The following TMEM182 variants were observed in gnomAD, a reference collection of about 807,000 sequenced individuals.
TMEM182 encodes the protein transmembrane protein 182.
A neutral mutation model predicts 26.8 loss-of-function variants in TMEM182; 20 were observed. The observed-to-expected ratio is 0.75, with a 90% confidence interval of 0.53 to 1.09. TMEM182 has a LOEUF of 1.09. Ranked by LOEUF, TMEM182 falls within the 50% of genes least tolerant of loss-of-function variation. TMEM182 has a pLI of 0.00. For missense variants in TMEM182, 277 were observed against 275.5 expected (o/e 1.01, Z -0.04); for synonymous variants, 109 against 102.2 (o/e 1.07, Z -0.40).
chr2:102,825,955 T>C (rs962465840), intron 3 of TMEM182, among the ~76,000 whole-genome samples: 4 of 152,232 alleles, frequency 2.6e-5, no homozygotes, highest in Non-Finnish European at 5.9e-5. Flanking sequence ...AGAGAGAAGA[T>C]GTTTTGAACA....
chr2:102,799,191 C>T (rs1412181970), intron 4 of TMEM182, among the ~76,000 whole-genome samples: 1 of 152,232 alleles, frequency 6.6e-6, no homozygotes, highest in Non-Finnish European at 1.5e-5. Flanking sequence ...TCCTAGGTGA[C>T]ACTGTAGTGA....
chr2:102,764,563 TA>T, intron 3 of TMEM182, 136 bp downstream of exon 3: 1 of 595,996 alleles, frequency 1.7e-6, no homozygotes, highest in Non-Finnish European at 2.7e-6. Context: ...TCTGTTAGAT[TA>T]AAAAATGTTA....
intron 4 of TMEM182, among the ~76,000 whole-genome samples, chr2:102,806,147 A>T (rs1016489127): frequency 1.3e-5 from 2 of 152,164 alleles, no homozygotes; most frequent in East Asian, 1.9e-4. Flanking sequence ...GTGGCCAAAA[A>T]ATATTGTATT....
intron 3 of TMEM182, among the ~76,000 whole-genome samples, chr2:102,778,588 AG>A (rs1401014245): frequency 1.3e-5 from 2 of 151,902 alleles, no homozygotes; most frequent in Non-Finnish European, 2.9e-5. Context: ...CTGCCTTCCT[AG>A]GAGTTACTTG....
chr2:102,794,332 T>C (rs1681777083), intron 3 of TMEM182, among the ~76,000 whole-genome samples: 1 of 152,210 alleles, frequency 6.6e-6, no homozygotes, highest in South Asian at 2.1e-4. Flanking sequence ...TTAACAAATA[T>C]CATTTAAAGA....
chr2:102,778,131 A>T (rs1289042265), intron 3 of TMEM182, among the ~76,000 whole-genome samples: 1 of 151,752 alleles, frequency 6.6e-6, no homozygotes, highest in Non-Finnish European at 1.5e-5. Context: ...AAAATTGTGG[A>T]TTTGTCTATC....
At chr2:102,773,643 A>G (rs374500314) in intron 3 of TMEM182, among the ~76,000 whole-genome samples, 34 of 150,042 alleles carry the variant, frequency 2.3e-4, no homozygotes, top group African/African-American at 8.2e-4. Context: ...TCATCCTCTG[A>G]ATGAGATGAG....
intron 3 of TMEM182, among the ~76,000 whole-genome samples, chr2:102,771,363 A>G (rs1391335206): frequency 6.6e-6 from 1 of 152,138 alleles, no homozygotes; most frequent in Non-Finnish European, 1.5e-5. Flanking sequence ...ACCCCAGCCC[A>G]GGCTCCATTG....
intron 4 of TMEM182, among the ~76,000 whole-genome samples, chr2:102,811,058 CAAAAAA>C (rs10629082): frequency 3.2e-5 from 3 of 94,464 alleles, no homozygotes; most frequent in African/African-American, 4.1e-5. Flanking sequence ...TCCTCTATAG[CAAAAAA>C]AAAAAAAAAA....
intron 3 of TMEM182, among the ~76,000 whole-genome samples, chr2:102,778,900 A>G (rs976871680): frequency 1.3e-5 from 2 of 152,092 alleles, no homozygotes; most frequent in East Asian, 3.8e-4. Flanking sequence ...GGAAGAATAT[A>G]TATTGTATTT....
intron 3 of TMEM182, among the ~76,000 whole-genome samples, chr2:102,832,505 A>G (rs1683172613): frequency 6.6e-6 from 1 of 152,236 alleles, no homozygotes; most frequent in African/African-American, 2.4e-5. Flanking sequence ...CCAGAGGCAG[A>G]ATCCTATGCA....
chr2:102,764,678 C>T (rs1558758930), intron 3 of TMEM182, among the ~76,000 whole-genome samples: 1 of 151,918 alleles, frequency 6.6e-6, no homozygotes, highest in Non-Finnish European at 1.5e-5. Flanking sequence ...AATGTGTTTT[C>T]CCATATGAAG....
chr2:102,841,871 G>A (rs923567906), intron 3 of TMEM182, among the ~76,000 whole-genome samples: 2 of 152,192 alleles, frequency 1.3e-5, no homozygotes, highest in African/African-American at 2.4e-5. Context: ...ATCTCGCTAT[G>A]TGTATGTTAC....
At chr2:102,826,299 G>C (rs2104771364) in intron 3 of TMEM182, among the ~76,000 whole-genome samples, 1 of 140,106 alleles carries the variant, frequency 7.1e-6, no homozygotes, top group African/African-American at 2.6e-5. Flanking sequence ...GTCTGCAGCT[G>C]GCTTTTTTTT....
intron 3 of TMEM182, among the ~76,000 whole-genome samples, chr2:102,839,447 C>CTATATA (rs10691405): frequency 0.14 from 18,169 of 134,030 alleles, 1,314 homozygotes; most frequent in South Asian, 0.19. Flanking sequence ...TGATGTTTTG[C>CTATATA]TATATATATA....
At chr2:102,838,430 C>T (rs1004506662) in intron 3 of TMEM182, among the ~76,000 whole-genome samples, 3 of 152,048 alleles carry the variant, frequency 2.0e-5, no homozygotes, top group African/African-American at 7.3e-5. Context: ...AAAATGGTAC[C>T]GATGTGAAGA....
At chr2:102,829,043 T>G (rs1438948308) in intron 3 of TMEM182, among the ~76,000 whole-genome samples, 4 of 152,186 alleles carry the variant, frequency 2.6e-5, no homozygotes, top group Non-Finnish European at 5.9e-5. Context: ...AGAGCGGAAG[T>G]TAGCAAATAT....
At chr2:102,789,364 TG>T (rs1221121130) in intron 3 of TMEM182, among the ~76,000 whole-genome samples, 2 of 152,258 alleles carry the variant, frequency 1.3e-5, no homozygotes, top group African/African-American at 4.8e-5. Flanking sequence ...TGTGATCATT[TG>T]GGTTGACTTT....
chr2:102,819,252 A>G (rs929914357), downstream of TMEM182, among the ~76,000 whole-genome samples: 1 of 152,222 alleles, frequency 6.6e-6, no homozygotes, highest in Non-Finnish European at 1.5e-5. Flanking sequence ...AACGACCTAA[A>G]TGAACAGATA....
Sources: gnomAD v4.1 joint callset for allele counts (sites outside exome capture counted in the v4.1 genomes callset) on GRCh38, gnomAD v4.1.1 for gene constraint, MANE v1.5 for transcripts, NCBI Gene and HGNC (gene_info 2026-07-23, HGNC 2026-07-21) for gene names.